TNS1: variants seen among roughly 807,000 people sequenced by gnomAD.
TNS1 encodes tensin-1.
In TNS1, 62 loss-of-function variants were observed where a neutral mutation model predicts 168.6. The observed-to-expected ratio is 0.37, with a 90% CI of 0.30 to 0.45. The LOEUF (loss-of-function observed/expected upper bound fraction) is 0.45. Ranked by LOEUF, TNS1 falls within the 20% of genes least tolerant of loss-of-function variation. TNS1 has a pLI of 1.00. For synonymous variants in TNS1, 934 were observed against 933.2 expected, an observed-to-expected ratio of 1.00 and a Z score of -0.02; for missense variants, 2,240 against 2,339.4, an observed-to-expected ratio of 0.96 and a Z score of 0.88.
intron 30 of TNS1, 195 bp downstream of exon 30, chr2:217,809,628 C>A: frequency 2.3e-6 from 1 of 434,768 alleles, no homozygotes. Context: ...TGGATGGGTG[C>A]ATGGATGGGT....
intron 24 of TNS1, 140 bp from the exon 25 acceptor site, chr2:217,815,138 G>T: frequency 1.5e-6 from 1 of 674,684 alleles, no homozygotes; most frequent in South Asian, 1.7e-5. Flanking sequence ...AAATTAAGAT[G>T]AGGTCACACA....
intron 23 of TNS1, 125 bp downstream of exon 23, chr2:217,821,615 C>A (rs1275415006): frequency 5.2e-6 from 5 of 968,440 alleles, no homozygotes; most frequent in Admixed American, 3.9e-5. Flanking sequence ...TTGCAAGGTA[C>A]CGCCATCTGG....
intron 11 of TNS1, among the ~76,000 whole-genome samples, chr2:217,892,449 CCT>C (rs1951836987): frequency 6.6e-6 from 1 of 152,222 alleles, no homozygotes; most frequent in Non-Finnish European, 1.5e-5. Flanking sequence ...AATCCCTCTG[CCT>C]CTCTGCAGAG....
At chr2:217,810,166 AG>A (rs1195571960) in intron 29 of TNS1, 81 bp downstream of exon 29, 1 of 1,516,504 alleles carries the variant, frequency 6.6e-7, no homozygotes, top group African/African-American at 1.4e-5. Flanking sequence ...AGAGACCTCC[AG>A]CCTGCACGTG....
chr2:217,897,929 G>C lies in TNS1; in HGVS notation c.412C>G (p.Leu138Val). 1 of 1,612,296 alleles carries C rather than the reference G, an allele frequency of 6.2e-7. No homozygotes were observed. Among genetic ancestry groups the C allele is most frequent in the Non-Finnish European group, 8.5e-7 (1 of 1,179,130 alleles). Residue 138 changes from leucine (L) to valine (V), a missense_variant, in exon 8 of 33, where the codon CTG (leucine) becomes GTG (valine). Around this residue, in one of 2 missense-constraint regions of TNS1, gnomAD observed 2,131 missense variants for 2,171.2 expected, o/e 0.98. Coordinates refer to ENST00000682258, the MANE Select transcript of TNS1 (RefSeq NM_001387777.1). Reference protein sequence around the residue: ...VSRTMEDSCELDLVYVTERII... With the variant: ...VSRTMEDSCEVDLVYVTERII... ...CTCTCTGTGACGTACACCAGGTCCA[G>C]CTCACAGCTGTCCTCCATGGTCCGG...
intron 18 of TNS1, among the ~76,000 whole-genome samples, chr2:217,854,669 A>G (rs1947914255): frequency 6.6e-6 from 1 of 152,216 alleles, no homozygotes; most frequent in African/African-American, 2.4e-5. Context: ...TTTGATGAGA[A>G]GTGAAGCTTG....
At chr2:217,810,036 G>A (rs201237298) in intron 29 of TNS1, 45 bp from the exon 30 acceptor site, 5 of 1,596,582 alleles carry the variant, frequency 3.1e-6, no homozygotes, top group East Asian at 4.5e-5. Flanking sequence ...GCTGGCGTGG[G>A]TGAGGACATT....
chr2:218,015,414 G>A (rs548914413), upstream of TNS1, among the ~76,000 whole-genome samples: 71 of 152,206 alleles, frequency 4.7e-4, no homozygotes, highest in Non-Finnish European at 3.2e-4. Flanking sequence ...CCAAGGAGGT[G>A]AGTCCCTAAG....
Position 217,917,829 on chromosome 2 carries a change from C to CAAAAAAAAAAAAAAAA in TNS1, c.228+2350_228+2365dup, listed in dbSNP as rs79888115. ...CTGGGCAACACAGTGAGACTGTTCT[C>CAAAAAAAAAAAAAAAA]AAAAAAAAAAAAAAAAAAAGACTTG... On this transcript the variant is annotated intron_variant, in intron 4 of 32. Transcript: ENST00000682258. Among the ~76,000 whole-genome samples the CAAAAAAAAAAAAAAAA allele has an allele frequency of 5.0e-4, 38 of 75,976 alleles. 1 individual carries two copies. Among genetic ancestry groups the CAAAAAAAAAAAAAAAA allele is most frequent in the African/African-American group, 1.5e-3 (33 of 22,256 alleles). The allele number at this position is 75,976 out of a possible 152,430, so 49.8% of individuals were successfully genotyped here.
At chr2:218,021,168 G>T (rs1322360069) in intron 1 of TNS1, among the ~76,000 whole-genome samples, 1 of 151,952 alleles carries the variant, frequency 6.6e-6, no homozygotes, top group Non-Finnish European at 1.5e-5. Context: ...TCCTCTGAGA[G>T]CTCTGCACAG....
intron 3 of TNS1, among the ~76,000 whole-genome samples, chr2:217,961,254 C>CAGAGAGAGAG (rs1347056666): frequency 1.1e-3 from 141 of 130,180 alleles, no homozygotes; most frequent in African/African-American, 3.5e-3. Flanking sequence ...CACACACACA[C>CAGAGAGAGAG]ACACACAGAG....
chr2:217,936,121 G>A (rs1426808708), intron 3 of TNS1, among the ~76,000 whole-genome samples: 2 of 152,162 alleles, frequency 1.3e-5, no homozygotes, highest in African/African-American at 4.8e-5. Flanking sequence ...ACCAGGCCAC[G>A]TAGAGCCAGG....
rs758827263 is a variant in TNS1, at chr2:217,808,680, C to G, written c.5274-9G>C. The G allele has an allele frequency of 3.1e-6, 5 of 1,613,886 alleles. No individual in the cohort carries two copies. The African/African-American group carries it at 4.0e-5, about 13-fold the overall frequency. ...GGCGTCTGAAAAAGAGCCTGCAGCA[C>G]AGACATCAGATAAACAGAGAATGAG... On this transcript the variant is annotated splice_polypyrimidine_tract_variant and intron_variant, in intron 30 of 32. Transcript: ENST00000682258.
intron 6 of TNS1, chr2:217,905,343 C>T: frequency 2.2e-6 from 1 of 446,152 alleles, no homozygotes; most frequent in South Asian, 1.6e-5. Context: ...CTCCCTGCTC[C>T]ACCTGGAGAG....
chr2:217,965,435 T>C (rs146599905), intron 3 of TNS1, among the ~76,000 whole-genome samples: 4 of 152,196 alleles, frequency 2.6e-5, no homozygotes, highest in South Asian at 4.1e-4. Flanking sequence ...AAGAGCCTCC[T>C]AAGCCGGAGG....
Position 217,928,013 on chromosome 2 carries a change from A to G in TNS1, c.187-7777T>C, listed in dbSNP as rs1041319423. ...ACTTCAGGGCTCACACCATGAGTCC[A>G]CTAGAACTCAGGAAGGCCCCAGACA... On this transcript the variant is annotated intron_variant, in intron 3 of 32. Transcript: ENST00000682258. Among the ~76,000 whole-genome samples, 7 of 152,352 alleles carry G rather than the reference A, an allele frequency of 4.6e-5. 1 individual carries two copies. The highest frequency in any genetic ancestry group is 4.6e-4 in the Admixed American group (7 of 15,312).
chr2:217,821,113 T>C (rs541568537), intron 23 of TNS1, among the ~76,000 whole-genome samples: 1 of 152,286 alleles, frequency 6.6e-6, no homozygotes, highest in East Asian at 1.9e-4. Context: ...TGGCCCCTTG[T>C]TCTGAGCTCC....
chr2:217,994,158 G>A (rs561896954), intron 1 of TNS1, among the ~76,000 whole-genome samples: 41 of 152,054 alleles, frequency 2.7e-4, no homozygotes, highest in African/African-American at 9.2e-4. Flanking sequence ...TGAGGGTGGG[G>A]CAGCTCTGGG....
chr2:217,918,775 A>G (rs1466407195), intron 4 of TNS1, among the ~76,000 whole-genome samples: 5 of 109,812 alleles, frequency 4.6e-5, no homozygotes, highest in African/African-American at 1.4e-4. Context: ...TCGGACTCCC[A>G]TGGTGTCCCT....
Sources: allele counts gnomAD v4.1 joint callset (sites outside exome capture counted in the v4.1 genomes callset), GRCh38; gene constraint gnomAD v4.1.1; regional missense constraint gnomAD v4.1.1; transcripts MANE v1.5; gene names NCBI Gene and HGNC (gene_info 2026-07-23, HGNC 2026-07-21).